TUT7: variants seen among roughly 807,000 people sequenced by gnomAD.
The protein encoded by TUT7 is terminal uridylyl transferase 7.
In TUT7, 33 loss-of-function variants were observed where a neutral mutation model predicts 165.9. The observed-to-expected ratio is 0.20, with a 90% CI of 0.15 to 0.27. TUT7 has a LOEUF of 0.27. Among genes scored for constraint, TUT7 ranks in the 10% least tolerant of loss-of-function variants. The pLI is 1.00. For missense variants in TUT7, 1,338 were observed against 1,762.3 expected (o/e 0.76, Z 4.31); for synonymous variants, 552 against 608.1 (o/e 0.91, Z 1.36).
chr9:86,323,078 G>C lies in TUT7; in HGVS notation c.2672C>G (p.Ala891Gly), dbSNP rs1387179481. 6.2e-7 allele frequency: 1 copy of C among 1,614,108 alleles called. No individual in the cohort carries two copies. ...TAACTCATCATCCTCTTCAGATAGG[G>C]CGTCCTCATCCCCTGACCCAGTGTA... ...NTYTGSGDEDALSEEDDELGE... is the reference protein window; with the variant it reads ...NTYTGSGDEDGLSEEDDELGE... The change falls in exon 13 of 27, where the codon GCC becomes GGC. Residue 891 changes from alanine to glycine, a missense_variant. Physicochemically the swap from Ala to Gly is moderately conservative, Grantham distance 60 (BLOSUM62 0). Around this residue, in one of 7 missense-constraint regions of TUT7, gnomAD observed 425 missense variants for 474.9 expected, o/e 0.89. Coordinates refer to ENST00000375963, the MANE Select transcript of TUT7 (RefSeq NM_024617.4).
chr9:86,310,384 G>A (rs145522306), intron 18 of TUT7, among the ~76,000 whole-genome samples: 50 of 151,512 alleles, frequency 3.3e-4, no homozygotes, highest in African/African-American at 1.2e-3. Context: ...TGACCTCATG[G>A]CTTTTATACG....
At chr9:86,309,124 C>A in intron 21 of TUT7, 88 bp downstream of exon 21, 1 of 758,298 alleles carries the variant, frequency 1.3e-6, no homozygotes, top group East Asian at 2.6e-5. Flanking sequence ...ATACAACAAG[C>A]AATAAAATAG....
Position 86,323,127 on chromosome 9 carries a change from T to G in TUT7, c.2623A>C (p.Asn875His), listed in dbSNP as rs376190058. Residue 875 changes from asparagine (N) to histidine (H), a missense_variant, in exon 13 of 27, where the codon AAT becomes CAT. Asn to His is a moderately conservative substitution (Grantham distance 68, BLOSUM62 1). This residue lies in a region of TUT7 where 425 missense variants were observed against 474.9 expected (regional missense o/e 0.89). Coordinates refer to ENST00000375963, the MANE Select transcript of TUT7 (RefSeq NM_024617.4). ...NQREDEDGMA[N>H]EDELDNTYTG... Reference sequence around the variant, plus strand: ...TAGGTGTTGTCTAACTCATCTTCATTAGCCATGCCATCTTCATCTTCCCTT... The same window carrying G: ...TAGGTGTTGTCTAACTCATCTTCATGAGCCATGCCATCTTCATCTTCCCTT... 6.2e-7 allele frequency: 1 copy of G among 1,614,212 alleles called. No homozygotes were observed. Among genetic ancestry groups the G allele is most frequent in the Non-Finnish European group, 8.5e-7 (1 of 1,180,026 alleles).
intron 11 of TUT7, chr9:86,326,560 C>T (rs1318664885): frequency 6.5e-6 from 1 of 154,572 alleles, no homozygotes; most frequent in African/African-American, 2.4e-5. Context: ...CTTGGTTGCT[C>T]TCTGTATTTT....
At chr9:86,288,786 A>C (rs775872236) in intron 26 of TUT7, 42 bp from the exon 27 acceptor site, 1 of 1,522,470 alleles carries the variant, frequency 6.6e-7, no homozygotes, top group Non-Finnish European at 9.1e-7. Flanking sequence ...AAATGAAACA[A>C]GCCTCGCTTT....
At chr9:86,328,860 TC>T (rs1830045677) in intron 10 of TUT7, among the ~76,000 whole-genome samples, 1 of 152,092 alleles carries the variant, frequency 6.6e-6, no homozygotes, top group Admixed American at 6.5e-5. Context: ...GGCCTCAGGT[TC>T]CTTTAAAAAG....
At chr9:86,299,639 G>T (rs10115526) in intron 26 of TUT7, among the ~76,000 whole-genome samples, 47,592 of 151,888 alleles carry the variant, frequency 0.31, 8,884 homozygotes, top group African/African-American at 0.5. Flanking sequence ...CTGCCACCCG[G>T]ACTACCCGCC....
At chr9:86,337,294 T>C (rs567245571) in intron 10 of TUT7, 125 bp downstream of exon 10, 2 of 1,067,212 alleles carry the variant, frequency 1.9e-6, no homozygotes, top group African/African-American at 3.2e-5. Context: ...AATATTCACA[T>C]GAGTAGAATA....
chr9:86,334,601 T>C (rs187531696), intron 10 of TUT7, among the ~76,000 whole-genome samples: 72 of 152,242 alleles, frequency 4.7e-4, no homozygotes, highest in African/African-American at 1.4e-3. Context: ...CCAAAAAGAA[T>C]TGTTGATTTT....
intron 26 of TUT7, among the ~76,000 whole-genome samples, chr9:86,301,055 C>T (rs896823400): frequency 6.6e-6 from 1 of 152,106 alleles, no homozygotes; most frequent in Non-Finnish European, 1.5e-5. Flanking sequence ...GAAAAGTTCA[C>T]CAAATGACTC....
chr9:86,346,057 C>G (rs547203597), intron 3 of TUT7, among the ~76,000 whole-genome samples: 15 of 152,148 alleles, frequency 9.9e-5, no homozygotes, highest in Non-Finnish European at 1.9e-4. Context: ...GCTTCTTCTT[C>G]ACTTTTAAAA....
intron 10 of TUT7, chr9:86,337,038 T>C (rs1207438407): frequency 2.5e-5 from 4 of 160,398 alleles, no homozygotes; most frequent in African/African-American, 7.2e-5. Context: ...GTGAACCAAA[T>C]GCTTCCCACA....
At chr9:86,345,209 T>C in intron 4 of TUT7, 55 bp from the exon 5 acceptor site, 1 of 1,530,952 alleles carries the variant, frequency 6.5e-7, no homozygotes, top group Non-Finnish European at 8.8e-7. Flanking sequence ...TTTGACCTTC[T>C]ACCACTCATG....
At chr9:86,340,920 G>T in intron 7 of TUT7, 82 bp downstream of exon 7, 1 of 1,061,740 alleles carries the variant, frequency 9.4e-7, no homozygotes, top group Non-Finnish European at 1.4e-6. Context: ...AGCATGCCTT[G>T]CTATTTTCAA....
intron 26 of TUT7, among the ~76,000 whole-genome samples, chr9:86,300,742 A>C (rs774279875): frequency 1.3e-5 from 2 of 152,250 alleles, no homozygotes; most frequent in Non-Finnish European, 2.9e-5. Context: ...CACTTGTAGA[A>C]AATCAAAATG....
intron 2 of TUT7, among the ~76,000 whole-genome samples, chr9:86,350,063 G>T (rs1832135030): frequency 6.6e-6 from 1 of 152,140 alleles, no homozygotes; most frequent in Admixed American, 6.5e-5. Context: ...CGGGTGCAGT[G>T]GCTCACACCT....
intron 26 of TUT7, among the ~76,000 whole-genome samples, chr9:86,291,428 G>A (rs531840972): frequency 9.9e-5 from 15 of 152,062 alleles, no homozygotes; most frequent in South Asian, 2.1e-4. Flanking sequence ...AAAATTAGCC[G>A]GGTGTCATGG....
intron 2 of TUT7, among the ~76,000 whole-genome samples, chr9:86,350,557 C>A (rs969020097): frequency 2.0e-5 from 3 of 152,204 alleles, no homozygotes; most frequent in Non-Finnish European, 4.4e-5. Context: ...GAGTTAATGG[C>A]CAGAGTAGCA....
At chr9:86,312,305 G>A (rs1428059779) in intron 17 of TUT7, among the ~76,000 whole-genome samples, 5 of 151,700 alleles carry the variant, frequency 3.3e-5, no homozygotes, top group African/African-American at 9.7e-5. Flanking sequence ...GTCTCTGCCC[G>A]GCCGCCCCAT....
Sources: allele counts gnomAD v4.1 joint callset (sites outside exome capture counted in the v4.1 genomes callset), GRCh38; gene constraint gnomAD v4.1.1; regional missense constraint gnomAD v4.1.1; transcripts MANE v1.5; gene names NCBI Gene and HGNC (gene_info 2026-07-23, HGNC 2026-07-21).